PTPRT: variants seen among roughly 807,000 people sequenced by gnomAD.
PTPRT encodes protein tyrosine phosphatase receptor type T.
A neutral mutation model predicts 176.8 loss-of-function variants in PTPRT; 56 were observed. The observed-to-expected ratio is 0.32, with a 90% CI of 0.26 to 0.40. The LOEUF is 0.40. Among genes scored for constraint, PTPRT ranks in the 10% least tolerant of loss-of-function variants. The pLI is 1.00. For missense variants in PTPRT, 1,540 were observed against 1,908.2 expected, an observed-to-expected ratio of 0.81 and a Z score of 3.60; for synonymous variants, 783 against 739.0, an observed-to-expected ratio of 1.06 and a Z score of -0.96.
At chr20:43,123,803 G>A (rs987850564) in intron 1 of PTPRT, among the ~76,000 whole-genome samples, 14 of 152,276 alleles carry the variant, frequency 9.2e-5, no homozygotes, top group African/African-American at 3.1e-4. Flanking sequence ...ATGAGATTTA[G>A]CCTTCCTCTT....
At chr20:42,287,021 C>A (rs775646412) in intron 12 of PTPRT, among the ~76,000 whole-genome samples, 2 of 151,802 alleles carry the variant, frequency 1.3e-5, no homozygotes, top group African/African-American at 2.4e-5. Flanking sequence ...CAGGGACATG[C>A]CAATTAAAAC....
intron 13 of PTPRT, among the ~76,000 whole-genome samples, chr20:42,271,509 T>G (rs2065558284): frequency 1.3e-5 from 2 of 152,196 alleles, no homozygotes; most frequent in Admixed American, 1.3e-4. Flanking sequence ...GTAGTCTCCT[T>G]GAAAGCAGAC....
intron 12 of PTPRT, among the ~76,000 whole-genome samples, chr20:42,283,507 G>A (rs889200402): frequency 6.6e-5 from 10 of 152,066 alleles, no homozygotes; most frequent in Non-Finnish European, 1.2e-4. Flanking sequence ...AACTTCAGTG[G>A]CTAAAAACAG....
At chr20:43,144,646 C>T (rs2867653) in intron 1 of PTPRT, among the ~76,000 whole-genome samples, 130,953 of 152,130 alleles carry the variant, frequency 0.86, 57,509 homozygotes, top group South Asian at 0.96. Context: ...AGGAGGTTAA[C>T]GGTTGCCTGG....
intron 1 of PTPRT, among the ~76,000 whole-genome samples, chr20:42,963,237 T>C (rs1443283253): frequency 6.7e-6 from 1 of 149,624 alleles, no homozygotes; most frequent in African/African-American, 2.5e-5. Context: ...AGTACAAAAA[T>C]TAACCAGATG....
intron 15 of PTPRT, among the ~76,000 whole-genome samples, chr20:42,226,276 G>A (rs997048020): frequency 5.9e-5 from 9 of 152,212 alleles, no homozygotes; most frequent in East Asian, 5.8e-4. Context: ...CAGAGCTATT[G>A]TAAAATGTAA....
At chr20:42,133,808 C>T (rs999854184) in intron 18 of PTPRT, among the ~76,000 whole-genome samples, 8 of 152,154 alleles carry the variant, frequency 5.3e-5, no homozygotes, top group African/African-American at 1.4e-4. Flanking sequence ...GAATGAGGTA[C>T]TTTCTGCTCA....
intron 16 of PTPRT, among the ~76,000 whole-genome samples, chr20:42,185,345 T>C (rs552872217): frequency 1.2e-4 from 18 of 152,192 alleles, no homozygotes; most frequent in Non-Finnish European, 2.5e-4. Context: ...AATCTCTGCC[T>C]ATATTTGTAT....
At chr20:42,816,205 G>A (rs1407749657) in intron 2 of PTPRT, among the ~76,000 whole-genome samples, 1 of 152,196 alleles carries the variant, frequency 6.6e-6, no homozygotes, top group Non-Finnish European at 1.5e-5. Context: ...AATAAGAGAA[G>A]TTGATAGCTC....
intron 2 of PTPRT, among the ~76,000 whole-genome samples, chr20:42,847,767 T>C (rs1235142325): frequency 6.6e-6 from 1 of 152,190 alleles, no homozygotes; most frequent in Non-Finnish European, 1.5e-5. Flanking sequence ...CTTGAGACTG[T>C]TTAGACTTTG....
intron 9 of PTPRT, among the ~76,000 whole-genome samples, chr20:42,365,393 T>C (rs2058499696): frequency 6.6e-6 from 1 of 152,198 alleles, no homozygotes; most frequent in Admixed American, 6.5e-5. Context: ...TAGTTGTATA[T>C]GGACGCTATG....
chr20:42,081,970 C>T lies in PTPRT; in HGVS notation c.4184G>A (p.Cys1395Tyr). The change falls in exon 30 of 31, where the codon TGT becomes TAT. Residue 1395 changes from cysteine to tyrosine, a missense_variant. Physicochemically the swap from Cys to Tyr is radical, Grantham distance 194. Coordinates refer to ENST00000373187, the MANE Select transcript of PTPRT (RefSeq NM_007050.6). ...SGTFCAICSV[C>Y]EMIQQQNIID... is the part of the protein sequence containing the mutation. Reference sequence around the variant, plus strand: ...GATGTTTTGCTGCTGGATCATCTCACACACACTGCAGATGGCACAGAAGGT... The same window carrying T: ...GATGTTTTGCTGCTGGATCATCTCATACACACTGCAGATGGCACAGAAGGT... 2 of 1,614,262 alleles carry T rather than the reference C, an allele frequency of 1.2e-6. No individual in the cohort carries two copies. The highest frequency in any genetic ancestry group is 1.7e-5 in the Admixed American group (1 of 60,032).
intron 9 of PTPRT, among the ~76,000 whole-genome samples, chr20:42,362,355 G>A (rs1310590208): frequency 2.0e-5 from 3 of 151,876 alleles, no homozygotes; most frequent in African/African-American, 7.3e-5. Context: ...GTTATGTGTG[G>A]TATTTTTTGC....
At chr20:42,262,469 C>T (rs989883532) in intron 13 of PTPRT, among the ~76,000 whole-genome samples, 1 of 152,222 alleles carries the variant, frequency 6.6e-6, no homozygotes, top group African/African-American at 2.4e-5. Flanking sequence ...TTTGGGGGAG[C>T]TCCAAACAAG....
chr20:43,009,251 A>G (rs766119751), intron 1 of PTPRT, among the ~76,000 whole-genome samples: 4 of 152,170 alleles, frequency 2.6e-5, no homozygotes, highest in Non-Finnish European at 5.9e-5. Flanking sequence ...CTCTCAATCC[A>G]TCTATTCAAT....
chr20:42,809,237 A>C (rs913844978), intron 2 of PTPRT, among the ~76,000 whole-genome samples: 2 of 152,262 alleles, frequency 1.3e-5, no homozygotes, highest in Middle Eastern at 3.4e-3. Flanking sequence ...GAGGCTTGGC[A>C]GGGAAAGTGA....
chr20:42,903,540 A>G (rs2145920532), intron 1 of PTPRT, among the ~76,000 whole-genome samples: 1 of 152,376 alleles, frequency 6.6e-6, no homozygotes, highest in East Asian at 1.9e-4. Context: ...GTAATTGTGT[A>G]GATAAAATAT....
chr20:42,851,779 T>A (rs1006405240), intron 2 of PTPRT, among the ~76,000 whole-genome samples: 18 of 152,198 alleles, frequency 1.2e-4, no homozygotes, highest in Non-Finnish European at 1.6e-4. Flanking sequence ...TGTGGCTATG[T>A]TTCAATACAT....
intron 2 of PTPRT, among the ~76,000 whole-genome samples, chr20:42,850,081 A>G (rs908473846): frequency 6.6e-6 from 1 of 152,204 alleles, no homozygotes; most frequent in Non-Finnish European, 1.5e-5. Flanking sequence ...TGTCCACTGC[A>G]TAAACTGAAT....
Sources: gnomAD v4.1 joint callset for allele counts (sites outside exome capture counted in the v4.1 genomes callset) on GRCh38, gnomAD v4.1.1 for gene constraint, MANE v1.5 for transcripts, NCBI Gene and HGNC (gene_info 2026-07-23, HGNC 2026-07-21) for gene names.